USP42: variants seen among roughly 807,000 people sequenced by gnomAD.
USP42 encodes the protein ubiquitin specific peptidase 42.
A neutral mutation model predicts 113.0 loss-of-function variants in USP42; 23 were observed. The ratio of observed to expected loss-of-function variants is 0.20; its 90% CI spans 0.15 to 0.29. The LOEUF (loss-of-function observed/expected upper bound fraction) is 0.29. Ranked by LOEUF, USP42 falls within the 10% of genes least tolerant of loss-of-function variation. The probability of loss-of-function intolerance (pLI) is 1.00; values close to 1 mark genes in which losing one functional copy is unlikely to be tolerated. For synonymous variants in USP42, 933 were observed against 699.0 expected, an observed-to-expected ratio of 1.33 and a Z score of -5.28; for missense variants, 2,174 against 1,779.8, an observed-to-expected ratio of 1.22 and a Z score of -3.99.
In USP42 at chr7:6,153,859, C is replaced by G; in HGVS notation, c.2305C>G (p.Leu769Val). Residue 769 changes from leucine to valine, a missense_variant, in exon 15 of 18, where the codon CTC becomes GTC. By Grantham distance (32) the Leu-to-Val change is conservative. Coordinates refer to ENST00000306177, the MANE Select transcript of USP42 (RefSeq NM_032172.3). ...SLEEPDAAAG[L>V]SSTKKAPPPR... ...GGAGGAGCCAGATGCGGCCGCCGGC[C>G]TCAGCAGCACCAAGAAGGCTCCGCC... is the stretch of plus-strand genomic sequence containing the variant. The G allele has an allele frequency of 6.4e-7, 1 of 1,553,680 alleles. No individual in the cohort carries two copies. The highest frequency in any genetic ancestry group is 8.7e-7 in the Non-Finnish European group (1 of 1,150,126).
At chr7:6,107,341 G>A (rs1208773522) in intron 1 of USP42, among the ~76,000 whole-genome samples, 1 of 151,450 alleles carries the variant, frequency 6.6e-6, no homozygotes, top group Non-Finnish European at 1.5e-5. Flanking sequence ...TAGTGTTACT[G>A]TAAATAAGGC....
rs1003930563 is a variant in USP42 at position 6,149,947 on chromosome 7, G to A, written c.1751G>A (p.Arg584His). ...AGTAAAGTAACAAAACCGATCCCCC[G>A]CAGTGAATCCTGCTCCCAGCCCGTG... is the stretch of plus-strand genomic sequence containing the variant. Reference protein sequence around the residue: ...VSSKVTKPIPRSESCSQPVMN... With the variant: ...VSSKVTKPIPHSESCSQPVMN... Residue 584 changes from arginine (R) to histidine (H), a missense_variant, in exon 13 of 18, where the codon CGC (arginine) becomes CAC (histidine). Coordinates refer to ENST00000306177, the MANE Select transcript of USP42 (RefSeq NM_032172.3). 1.9e-6 allele frequency: 3 copies of A among 1,613,930 alleles called. No homozygotes were observed. The highest frequency in any genetic ancestry group is 1.1e-5 in the South Asian group (1 of 91,082).
At chr7:6,115,549 G>A (rs1277950119) in intron 3 of USP42, 26 bp downstream of exon 3, 1 of 1,611,346 alleles carries the variant, frequency 6.2e-7, no homozygotes, top group African/African-American at 1.3e-5. Context: ...TGTGTTTGTA[G>A]TATTGTAGTG....
chr7:6,157,023 A>T lies in USP42; in HGVS notation c.3911A>T (p.Asp1304Val). 1 of 1,612,082 alleles carries T rather than the reference A, an allele frequency of 6.2e-7. No homozygotes were observed. Among genetic ancestry groups the T allele is most frequent in the South Asian group, 1.1e-5 (1 of 90,632 alleles). Residue 1304 changes from aspartate (D) to valine (V), a missense_variant, in exon 16 of 18, where the codon GAT becomes GTT. Transcript: ENST00000306177. The surrounding 1 kb of genome is among the most constrained non-coding windows in gnomAD (Gnocchi z 4.1). ...AAACACTTACGGATGGAAAGCAGGG[A>T]TGACAGGTGTCGTCTCTTTGAGTAT... ...KTKHLRMESRDDRCRLFEYGQ... is the reference protein window; with the variant it reads ...KTKHLRMESRVDRCRLFEYGQ...
intron 11 of USP42, among the ~76,000 whole-genome samples, chr7:6,147,202 T>C (rs1347056411): frequency 2.6e-5 from 4 of 152,220 alleles, no homozygotes; most frequent in Non-Finnish European, 1.5e-5. Flanking sequence ...GGTAGGATTT[T>C]GTTTCTAACT....
At position 6,139,480 on chromosome 7, in the gene USP42, A is replaced by C; in HGVS notation, c.656+286A>C. On this transcript the variant is annotated intron_variant, in intron 5 of 17. Transcript: ENST00000306177. The surrounding 1 kb of genome is among the most constrained non-coding windows in gnomAD (Gnocchi z 4.5). ...TTTCTCATTATCAGCAGACGTCTGCAGATCTCAAACTAGCTGCTTCTCCTT... is the reference window on the plus strand; with the variant it reads ...TTTCTCATTATCAGCAGACGTCTGCCGATCTCAAACTAGCTGCTTCTCCTT... The C allele has an allele frequency of 3.6e-6, 1 of 278,490 alleles. No individual in the cohort carries two copies. Among genetic ancestry groups the C allele is most frequent in the East Asian group, 7.9e-5 (1 of 12,722 alleles). 17.3% of individuals were successfully genotyped at this position (278,490 alleles called of 1,614,324 possible).
chr7:6,100,004 C>T (rs1367599173), upstream of USP42, among the ~76,000 whole-genome samples: 1 of 144,290 alleles, frequency 6.9e-6, no homozygotes, highest in Admixed American at 6.9e-5. Flanking sequence ...TTTCACAAGT[C>T]TATTATTATT....
chr7:6,081,502 G>A, the USP42 span, among the ~76,000 whole-genome samples: 2 of 152,152 alleles, frequency 1.3e-5, no homozygotes, highest in Admixed American at 1.3e-4. Context: ...CGTCCACCCC[G>A]GAAGTAGCCC....
At chr7:6,094,682 C>T in the USP42 span, among the ~76,000 whole-genome samples, 1 of 151,148 alleles carries the variant, frequency 6.6e-6, no homozygotes, top group Non-Finnish European at 1.5e-5. Flanking sequence ...AGCCTTGCAT[C>T]CTTTAACCCT....
chr7:6,109,109 G>A (rs1309820681), intron 1 of USP42, among the ~76,000 whole-genome samples: 1 of 152,172 alleles, frequency 6.6e-6, no homozygotes, highest in African/African-American at 2.4e-5. Flanking sequence ...GGGGAATGGT[G>A]ATGTCAAGGA....
At chr7:6,125,056 T>C (rs1101167) in intron 3 of USP42, among the ~76,000 whole-genome samples, 143,032 of 152,014 alleles carry the variant, frequency 0.94, 67,403 homozygotes, top group East Asian at 1. Flanking sequence ...TGGCTCATGC[T>C]TGTAATTCCA....
intron 2 of USP42, among the ~76,000 whole-genome samples, chr7:6,114,040 C>G (rs1008551053): frequency 1.3e-5 from 2 of 152,154 alleles, no homozygotes; most frequent in Non-Finnish European, 2.9e-5. Context: ...TCTTGAGTTC[C>G]ATTATCATAC....
intron 10 of USP42, 117 bp downstream of exon 10, chr7:6,145,773 A>G (rs907156543): frequency 3.3e-5 from 40 of 1,211,764 alleles, no homozygotes; most frequent in Non-Finnish European, 4.1e-5. Context: ...TACCCGAGGT[A>G]AAAATATTTC....
chr7:6,117,935 ATTG>A (rs1780005072), intron 3 of USP42, among the ~76,000 whole-genome samples: 1 of 152,042 alleles, frequency 6.6e-6, no homozygotes, highest in African/African-American at 2.4e-5. Flanking sequence ...TAGTTTTCTT[ATTG>A]TTGAGCTTAG....
At chr7:6,160,042 T>C (rs1221560921) in intron 17 of USP42, among the ~76,000 whole-genome samples, 2 of 152,228 alleles carry the variant, frequency 1.3e-5, no homozygotes, top group Non-Finnish European at 2.9e-5. Flanking sequence ...CTTTGTTGGA[T>C]CACTTCACAC....
chr7:6,135,575 C>T (rs1056394541), intron 3 of USP42, among the ~76,000 whole-genome samples: 7 of 128,430 alleles, frequency 5.5e-5, no homozygotes, highest in Admixed American at 1.9e-4. Flanking sequence ...GGCTTGGACC[C>T]GGGGAGGCCG....
At chr7:6,095,394 G>A in the USP42 span, among the ~76,000 whole-genome samples, 1 of 151,200 alleles carries the variant, frequency 6.6e-6, no homozygotes, top group Non-Finnish European at 1.5e-5. Flanking sequence ...GAGGGGCCGG[G>A]TGTGGTGGCT....
In USP42 at chr7:6,139,434, A is replaced by T; in HGVS notation, c.656+240A>T. 2.6e-6 allele frequency: 1 copy of T among 388,564 alleles called. No homozygotes were observed. Among genetic ancestry groups the T allele is most frequent in the African/African-American group, 2.1e-5 (1 of 47,826 alleles). 24.1% of individuals were successfully genotyped at this position (388,564 alleles called of 1,614,324 possible). The stretch of plus-strand genomic sequence containing the variant: ...CAATCATAGATGTCAGGAAATAAAC[A>T]TTGGTCTTGCAGCTATTTAATTTCT... On this transcript the variant is annotated intron_variant, in intron 5 of 17. Transcript: ENST00000306177. This position sits in a 1 kb window ranked among gnomAD's most constrained non-coding sequence, Gnocchi z 4.5.
rs975055320 is a variant in USP42 at position 6,154,289 on chromosome 7, C to T, written c.2735C>T (p.Pro912Leu). 18 of 1,588,484 alleles carry T rather than the reference C, an allele frequency of 1.1e-5. No homozygotes were observed. The highest frequency in any genetic ancestry group is 4.0e-5 in the African/African-American group (3 of 74,330). The change falls in exon 15 of 18, where the codon CCG becomes CTG. Residue 912 changes from proline (P) to leucine (L), a missense_variant. Transcript: ENST00000306177. ...PVLDMAPAGH[P>L]EGDAEPSPGE... ...CTGGACATGGCCCCGGCCGGTCACC[C>T]GGAAGGGGACGCTGAGCCTAGCCCC...
Sources: allele counts gnomAD v4.1 joint callset (sites outside exome capture counted in the v4.1 genomes callset), GRCh38; gene constraint gnomAD v4.1.1; non-coding constraint Gnocchi (gnomAD v3.1); transcripts MANE v1.5; gene names NCBI Gene and HGNC (gene_info 2026-07-23, HGNC 2026-07-21).